The following ANKRD66 variants were observed in gnomAD, a reference collection of about 807,000 sequenced individuals.
The protein encoded by ANKRD66 is ankyrin repeat domain 66.
In ANKRD66, 10 loss-of-function variants were observed where a neutral mutation model predicts 10.9. The observed-to-expected ratio is 0.91, with a 90% CI of 0.56 to 1.55. The LOEUF (loss-of-function observed/expected upper bound fraction) is 1.55. Among genes scored for constraint, ANKRD66 ranks in the 40% most tolerant of loss-of-function variants. The pLI is 0.00. For synonymous variants in ANKRD66, 85 were observed against 88.4 expected (o/e 0.96, Z 0.22); for missense variants, 252 against 242.9 (o/e 1.04, Z -0.25).
chr6:46,754,892 T>G (rs1373920513), intron 4 of ANKRD66, among the ~76,000 whole-genome samples: 1 of 152,220 alleles, frequency 6.6e-6, no homozygotes, highest in Non-Finnish European at 1.5e-5. Context: ...TTTCCCAATT[T>G]CATCCATCAT....
At chr6:46,755,749 CTG>C (rs956681428) in intron 4 of ANKRD66, among the ~76,000 whole-genome samples, 17 of 152,076 alleles carry the variant, frequency 1.1e-4, no homozygotes, top group East Asian at 3.9e-4. Context: ...CTGAATTGCG[CTG>C]TGTCTTTCTT....
chr6:46,750,972 G>A (rs1332067250), intron 2 of ANKRD66, among the ~76,000 whole-genome samples: 2 of 151,336 alleles, frequency 1.3e-5, no homozygotes, highest in African/African-American at 2.4e-5. Context: ...TGGTCTTTAG[G>A]GTGATAAATA....
chr6:46,752,190 G>A, intron 3 of ANKRD66, 79 bp downstream of exon 3: 1 of 1,309,698 alleles, frequency 7.6e-7, no homozygotes, highest in South Asian at 2.1e-5. Context: ...GCTATGTGGG[G>A]GAGTGGAACA....
chr6:46,748,546 G>A (rs1282273607), intron 1 of ANKRD66, among the ~76,000 whole-genome samples: 2 of 152,220 alleles, frequency 1.3e-5, no homozygotes, highest in Non-Finnish European at 2.9e-5. Flanking sequence ...ACACTCCAGT[G>A]TAAGGGATTT....
intron 1 of ANKRD66, among the ~76,000 whole-genome samples, chr6:46,749,550 T>TCCCCC (rs67764778): frequency 7.2e-4 from 41 of 57,054 alleles, no homozygotes; most frequent in Non-Finnish European, 9.1e-4. Context: ...TCTCTTTTAT[T>TCCCCC]CCCCCCCCCC....
At chr6:46,750,297 A>G (rs1375662258) in intron 2 of ANKRD66, among the ~76,000 whole-genome samples, 1 of 152,212 alleles carries the variant, frequency 6.6e-6, no homozygotes, top group African/African-American at 2.4e-5. Flanking sequence ...TCTATTGGAA[A>G]TTAAAACTGA....
intron 2 of ANKRD66, among the ~76,000 whole-genome samples, 177 bp from the exon 3 acceptor site, chr6:46,751,760 C>A (rs1766273738): frequency 6.6e-6 from 1 of 152,152 alleles, no homozygotes. Context: ...AGGTGACAGG[C>A]AGGCACTAAC....
At position 46,750,063 on chromosome 6, in the gene ANKRD66, T is replaced by C. The variant is rs2150726193; in HGVS notation, c.-13+84T>C. ...CTGCTGCTGGTCACAGTTAGTGAAG[T>C]TGACTCCAGCTCCTTCTTATGATCC... On this transcript the variant is annotated intron_variant, in intron 2 of 4. Coordinates refer to ENST00000565422, the MANE Select transcript of ANKRD66 (RefSeq NM_001162435.3). 8 of 729,114 alleles carry C rather than the reference T, an allele frequency of 1.1e-5. No homozygotes were observed. The Middle Eastern group carries it at 2.2e-3, about 199-fold the overall frequency. 45.2% of individuals were successfully genotyped at this position (729,114 alleles called of 1,614,324 possible). A position where few individuals can be genotyped will look rare whatever the true frequency, so the allele number is the denominator to read the frequency against.
rs199749836 is a variant in ANKRD66 at position 46,752,096 on chromosome 6, T to C, written c.148T>C (p.Trp50Arg). 3.0e-3 allele frequency: 4,519 copies of C among 1,490,408 alleles called. 12 individuals are homozygous for C. The highest frequency in any genetic ancestry group is 3.3e-3 in the Non-Finnish European group (3,730 of 1,122,368). The allele number at this position is 1,490,408 out of a possible 1,614,324, so 92.3% of individuals were successfully genotyped here. A position where few individuals can be genotyped will look rare whatever the true frequency, so the allele number is the denominator to read the frequency against. The change falls in exon 3 of 5, where the codon TGG becomes CGG. Residue 50 changes from tryptophan to arginine, a missense_variant. Transcript: ENST00000565422. ...VDWNDRTPLH[W>R]AAIKGQMEVI... is the part of the protein sequence containing the mutation. Reference sequence around the variant, plus strand: ...CTGGAATGACCGGACCCCACTTCACTGGGCTGCAATCAAAGGTGAGTGGGC... The same window carrying C: ...CTGGAATGACCGGACCCCACTTCACCGGGCTGCAATCAAAGGTGAGTGGGC...
chr6:46,751,383 A>T (rs984405909), intron 2 of ANKRD66, among the ~76,000 whole-genome samples: 1 of 152,236 alleles, frequency 6.6e-6, no homozygotes, highest in Admixed American at 6.5e-5. Context: ...CATAACATTA[A>T]TAACAATTTT....
At chr6:46,747,333 G>T (rs1766165222) in intron 1 of ANKRD66, among the ~76,000 whole-genome samples, 1 of 152,138 alleles carries the variant, frequency 6.6e-6, no homozygotes, top group African/African-American at 2.4e-5. Flanking sequence ...CATAAAACTG[G>T]ATTCATTTAA....
intron 2 of ANKRD66, among the ~76,000 whole-genome samples, chr6:46,751,522 C>A (rs1460360366): frequency 6.6e-6 from 1 of 152,136 alleles, no homozygotes; most frequent in African/African-American, 2.4e-5. Flanking sequence ...TTTATCCTTA[C>A]AACAACCCTG....
intron 2 of ANKRD66, 111 bp downstream of exon 2, chr6:46,750,090 A>G: frequency 6.6e-6 from 4 of 606,310 alleles, no homozygotes. Flanking sequence ...TTATGATCCC[A>G]ACTTAAATCT....
chr6:46,748,746 A>ATCCCC (rs1159271491), intron 1 of ANKRD66, among the ~76,000 whole-genome samples: 1 of 152,148 alleles, frequency 6.6e-6, no homozygotes, highest in Non-Finnish European at 1.5e-5. Context: ...ATTCTCATGT[A>ATCCCC]TCCCCTCAGT....
At chr6:46,755,817 G>A (rs1467512676) in intron 4 of ANKRD66, among the ~76,000 whole-genome samples, 3 of 152,110 alleles carry the variant, frequency 2.0e-5, no homozygotes, top group Non-Finnish European at 4.4e-5. Flanking sequence ...AATCCAAAAG[G>A]AAAAGCACTT....
intron 1 of ANKRD66, among the ~76,000 whole-genome samples, chr6:46,749,027 T>C (rs761799700): frequency 6.6e-5 from 10 of 152,210 alleles, no homozygotes; most frequent in Non-Finnish European, 1.0e-4. Context: ...CTCACCCCAC[T>C]TTCGTAGGCC....
chr6:46,751,132 G>C (rs73736628), intron 2 of ANKRD66, among the ~76,000 whole-genome samples: 3,960 of 152,220 alleles, frequency 0.026, 177 homozygotes, highest in African/African-American at 0.09. Flanking sequence ...TTTACTCTGA[G>C]TGTGTGGTGA....
At chr6:46,749,556 C>CA (rs1766220103) in intron 1 of ANKRD66, among the ~76,000 whole-genome samples, 1 of 88,584 alleles carries the variant, frequency 1.1e-5, no homozygotes, top group African/African-American at 4.7e-5. Context: ...TTATTCCCCC[C>CA]CCCCCCCCCC....
chr6:46,748,975 A>T (rs576083775), intron 1 of ANKRD66, among the ~76,000 whole-genome samples: 2 of 152,224 alleles, frequency 1.3e-5, no homozygotes, highest in African/African-American at 4.8e-5. Context: ...TGATTTGCCT[A>T]TATCAGAGGC....
Sources: gnomAD v4.1 joint callset for allele counts (sites outside exome capture counted in the v4.1 genomes callset) on GRCh38, gnomAD v4.1.1 for gene constraint, MANE v1.5 for transcripts, NCBI Gene and HGNC (gene_info 2026-07-23, HGNC 2026-07-21) for gene names.